Variants in ASXL1 observed in about 807,000 individuals in gnomAD.
ASXL1 encodes the protein polycomb group protein ASXL1.
A neutral mutation model predicts 89.1 loss-of-function variants in ASXL1; 65 were observed. That is an observed-to-expected ratio of 0.73 (90% CI 0.60 to 0.90). The LOEUF (loss-of-function observed/expected upper bound fraction) is 0.90, where lower values mean the gene tolerates loss of function less well. ASXL1 is among the 40% of genes least tolerant of loss of function. The probability of loss-of-function intolerance (pLI) is 0.00; values close to 1 mark genes in which losing one functional copy is unlikely to be tolerated. For missense variants in ASXL1, 1,786 were observed against 1,942.9 expected (o/e 0.92, Z 1.52); for synonymous variants, 739 against 746.9 (o/e 0.99, Z 0.17).
At chr20:32,423,629 C>T (rs896908424) in intron 4 of ASXL1, among the ~76,000 whole-genome samples, 8 of 152,200 alleles carry the variant, frequency 5.3e-5, no homozygotes, top group African/African-American at 1.4e-4. Flanking sequence ...TGGCTCACTG[C>T]AGCCTGCATG....
chr20:32,413,410 A>T (rs2049082818), intron 4 of ASXL1, among the ~76,000 whole-genome samples: 1 of 152,218 alleles, frequency 6.6e-6, no homozygotes, highest in African/African-American at 2.4e-5. Flanking sequence ...GTTATATTTC[A>T]CATAATTCAA....
At chr20:32,372,979 G>C (rs1055719893) in intron 4 of ASXL1, among the ~76,000 whole-genome samples, 1 of 132,914 alleles carries the variant, frequency 7.5e-6, no homozygotes, top group Non-Finnish European at 1.6e-5. Flanking sequence ...GTCTCGCTTT[G>C]TTGCCCAGGC....
At chr20:32,375,576 A>G (rs1307688405) in intron 4 of ASXL1, among the ~76,000 whole-genome samples, 1 of 152,148 alleles carries the variant, frequency 6.6e-6, no homozygotes, top group Non-Finnish European at 1.5e-5. Flanking sequence ...TTTTTCTCTC[A>G]TTTCAAAATT....
chr20:32,409,924 A>G (rs2049016116), intron 4 of ASXL1, among the ~76,000 whole-genome samples: 2 of 152,162 alleles, frequency 1.3e-5, no homozygotes, highest in South Asian at 4.1e-4. Context: ...TTATGACTTA[A>G]TTTTTTTTAA....
intron 4 of ASXL1, among the ~76,000 whole-genome samples, chr20:32,420,619 T>C (rs2049226057): frequency 6.6e-6 from 1 of 152,236 alleles, no homozygotes; most frequent in African/African-American, 2.4e-5. Context: ...GTCTTCTTTG[T>C]ACTGTTTTAC....
chr20:32,359,438 T>C (rs563405032), intron 1 of ASXL1: 2 of 701,382 alleles, frequency 2.9e-6, no homozygotes, highest in African/African-American at 3.5e-5. Context: ...TTAGGAACGC[T>C]ACTCCTAGGG....
rs2123253742 is a variant in ASXL1, at chr20:32,433,353, C to T, written c.1155C>T (p.Gly385=). Residue 385 remains glycine (G), a synonymous_variant, in exon 12 of 13, where the codon GGC becomes GGT. Coordinates refer to ENST00000375687, the MANE Select transcript of ASXL1 (RefSeq NM_015338.6). Reference sequence around the variant, plus strand: ...AGGAGGAGGCTGAAATCAAAAGTGGCTTGTGTGTCCCAGGAGAATCAGTGC... The same window carrying T: ...AGGAGGAGGCTGAAATCAAAAGTGGTTTGTGTGTCCCAGGAGAATCAGTGC... ...VGQEEAEIKS[G]LCVPGESVRI... is the part of the protein sequence containing the mutation. 6.2e-7 allele frequency: 1 copy of T among 1,614,122 alleles called. No homozygotes were observed. The highest frequency in any genetic ancestry group is 1.3e-5 in the African/African-American group (1 of 75,018).
intron 4 of ASXL1, among the ~76,000 whole-genome samples, chr20:32,407,346 G>C (rs2048972279): frequency 6.6e-6 from 1 of 151,676 alleles, no homozygotes; most frequent in East Asian, 1.9e-4. Context: ...TCCGTCTCGG[G>C]GGGAAAAAAA....
chr20:32,377,963 G>T (rs2048414101), intron 4 of ASXL1, among the ~76,000 whole-genome samples: 1 of 77,988 alleles, frequency 1.3e-5, no homozygotes. Context: ...CCAAAATAAA[G>T]TTTTGACTCT....
chr20:32,388,961 C>G (rs1330308225), intron 4 of ASXL1, among the ~76,000 whole-genome samples: 1 of 152,070 alleles, frequency 6.6e-6, no homozygotes, highest in Admixed American at 6.6e-5. Flanking sequence ...TTGCACGCCC[C>G]CACATCCAAC....
chr20:32,401,542 G>GTGTTT, intron 4 of ASXL1, among the ~76,000 whole-genome samples: 1 of 40,152 alleles, frequency 2.5e-5, no homozygotes, highest in Admixed American at 3.1e-4. Flanking sequence ...GTGTGTGTGT[G>GTGTTT]TGTTTTTTCC....
At position 32,365,178 on chromosome 20, in the gene ASXL1, C is replaced by A. The variant is rs187037773; in HGVS notation, c.58-1206C>A. On this transcript the variant is annotated intron_variant, in intron 1 of 12. Transcript: ENST00000375687. ...TCAGTACACAACTGAATATTTGAAT[C>A]TGAAATTTGGGGGAGAAGTCAGAGC... 2.7e-3 allele frequency among the ~76,000 whole-genome samples: 412 copies of A among 152,176 alleles called. 4 individuals are homozygous for A. The highest frequency in any genetic ancestry group is 9.5e-3 in the African/African-American group (396 of 41,498).
In ASXL1 at chr20:32,429,831, A is replaced by C; in HGVS notation, c.566-70A>C. The C allele has an allele frequency of 6.4e-7, 1 of 1,572,628 alleles. No individual in the cohort carries two copies. ...CAGCATCTCAGGGAGAGCTGGGAGA[A>C]ATGAGCTTGTCTGAGAGCCATGGGC... is the stretch of plus-strand genomic sequence containing the variant. On this transcript the variant is annotated intron_variant, in intron 7 of 12. Transcript: ENST00000375687. The surrounding 1 kb of genome is among the most constrained non-coding windows in gnomAD (Gnocchi z 4.9).
Position 32,437,241 on chromosome 20 carries a change from T to A in ASXL1, c.4529T>A (p.Leu1510Gln). 6.2e-7 allele frequency: 1 copy of A among 1,614,072 alleles called. No individual in the cohort carries two copies. The highest frequency in any genetic ancestry group is 8.5e-7 in the Non-Finnish European group (1 of 1,179,938). Residue 1510 changes from leucine (L) to glutamine (Q), a missense_variant, in exon 13 of 13, where the codon CTG becomes CAG. By Grantham distance (113) the Leu-to-Gln change is moderately radical (BLOSUM62 -2). Coordinates refer to ENST00000375687, the MANE Select transcript of ASXL1 (RefSeq NM_015338.6). Reference sequence around the variant, plus strand: ...ATCTCGCTCCAGTGTGCGTGCAGCCTGAAAGCCATGATCATGTGCCAAGGC... The same window carrying A: ...ATCTCGCTCCAGTGTGCGTGCAGCCAGAAAGCCATGATCATGTGCCAAGGC... ...ESISLQCACS[L>Q]KAMIMCQGCG...
At position 32,429,069 on chromosome 20, in the gene ASXL1, T is replaced by G; in HGVS notation, c.472-269T>G. 2.1e-6 allele frequency: 1 copy of G among 467,850 alleles called. No homozygotes were observed. The highest frequency in any genetic ancestry group is 2.0e-5 in the South Asian group (1 of 49,350). The allele number at this position is 467,850 out of a possible 1,614,324, so 29.0% of individuals were successfully genotyped here. ...GAGTGAGCAGTTTGAATGATAACCC[T>G]GCACTTACTAGCCTTGAGACTTGGG... On this transcript the variant is annotated intron_variant, in intron 6 of 12. Transcript: ENST00000375687. This position sits in a 1 kb window ranked among gnomAD's most constrained non-coding sequence, Gnocchi z 4.9.
chr20:32,369,041 A>G lies in ASXL1; in HGVS notation c.170A>G (p.Asn57Ser), dbSNP rs147225073. The change falls in exon 4 of 13, where the codon AAT (asparagine) becomes AGT (serine). Residue 57 changes from asparagine to serine, a missense_variant. By Grantham distance (46) the Asn-to-Ser change is conservative (BLOSUM62 1). Coordinates refer to ENST00000375687, the MANE Select transcript of ASXL1 (RefSeq NM_015338.6). ...GGGACTTCCCCTCTCGCATGCCTCA[A>G]TGCTATGCTACATTCCAATTCAAGA... ...RSGTSPLACL[N>S]AMLHSNSRGG... 1.7e-5 allele frequency: 28 copies of G among 1,613,926 alleles called. No homozygotes were observed. The African/African-American group carries it at 1.7e-4, about 10-fold the overall frequency.
intron 4 of ASXL1, among the ~76,000 whole-genome samples, chr20:32,419,392 G>A (rs2049199140): frequency 6.6e-6 from 1 of 151,704 alleles, no homozygotes; most frequent in African/African-American, 2.4e-5. Flanking sequence ...TTTGTAGAGC[G>A]GGGGTCTCCT....
chr20:32,430,819 C>A (rs1569319946), intron 8 of ASXL1: 1 of 335,476 alleles, frequency 3.0e-6, no homozygotes, highest in South Asian at 4.2e-5. Flanking sequence ...GTAACATTTG[C>A]TGAGGCTTCT....
rs1231735470 is a variant in ASXL1, at chr20:32,358,350, C to T, written c.-426C>T. On this transcript the variant is annotated 5_prime_UTR_variant, in exon 1 of 13. Coordinates refer to ENST00000375687, the MANE Select transcript of ASXL1 (RefSeq NM_015338.6). ...CTCTTCACACACACTCACACACACC[C>T]ACGGCAGACACGCACGCACCCGGGC... 2 of 233,844 alleles carry T rather than the reference C, an allele frequency of 8.6e-6. No homozygotes were observed. The highest frequency in any genetic ancestry group is 5.6e-5 in the Admixed American group (1 of 17,726). 14.5% of individuals were successfully genotyped at this position (233,844 alleles called of 1,614,324 possible). A position where few individuals can be genotyped will look rare whatever the true frequency, so the allele number is the denominator to read the frequency against.
Sources: allele counts gnomAD v4.1 joint callset (sites outside exome capture counted in the v4.1 genomes callset), GRCh38; gene constraint gnomAD v4.1.1; non-coding constraint Gnocchi (gnomAD v3.1); transcripts MANE v1.5; gene names NCBI Gene and HGNC (gene_info 2026-07-23, HGNC 2026-07-21).